The following ZNF587 variants were observed in gnomAD, a reference collection of about 807,000 sequenced individuals.
ZNF587 encodes the protein zinc finger protein zfp6.
Under a neutral mutation model 7.5 loss-of-function variants are expected in ZNF587, and 8 were observed. That is an observed-to-expected ratio of 1.06 (90% CI 0.62 to 1.92). ZNF587 has a LOEUF of 1.92. Ranked by LOEUF, ZNF587 falls within the 40% of genes most tolerant of loss-of-function variation. The pLI is 0.00. For synonymous variants in ZNF587, 145 were observed against 237.8 expected, an observed-to-expected ratio of 0.61 and a Z score of 3.59; for missense variants, 468 against 692.8, an observed-to-expected ratio of 0.68 and a Z score of 3.64.
At position 57,862,820 on chromosome 19, in the gene ZNF587, C is replaced by CTCTCT. The variant is rs1397320875; in HGVS notation, c.*2681_*2682insCTCTT. On this transcript the variant is annotated 3_prime_UTR_variant, in exon 3 of 3. Transcript: ENST00000339656. The stretch of plus-strand genomic sequence containing the variant: ...AACTTCCCTGAGGGCTGCCTAGAAT[C>CTCTCT]TGTTTCCTCTCACTCTGAATTATTC... 1.9e-5 allele frequency: 3 copies of CTCTCT among 155,070 alleles called. No homozygotes were observed. The highest frequency in any genetic ancestry group is 2.9e-5 in the Non-Finnish European group (2 of 68,240). 9.6% of individuals were successfully genotyped at this position (155,070 alleles called of 1,614,324 possible).
intron 1 of ZNF587, 121 bp downstream of exon 1, chr19:57,850,192 G>GTGAGCGC: frequency 6.4e-7 from 1 of 1,570,652 alleles, no homozygotes; most frequent in South Asian, 1.1e-5. Flanking sequence ...ACACTGAGGC[G>GTGAGCGC]CTCACAGGAG....
intron 1 of ZNF587, 179 bp downstream of exon 1, chr19:57,850,250 A>G: frequency 9.4e-7 from 1 of 1,066,754 alleles, no homozygotes; most frequent in Non-Finnish European, 1.4e-6. Flanking sequence ...AGCTGCCTAG[A>G]CAGAGCCGAT....
chr19:57,859,943 A>G lies in ZNF587; in HGVS notation c.1531A>G (p.Lys511Glu), dbSNP rs2071413739. 7 of 1,613,266 alleles carry G rather than the reference A, an allele frequency of 4.3e-6. No homozygotes were observed. The East Asian group carries it at 1.3e-4, about 31-fold the overall frequency. ...FLSSSALHVH[K>E]RVHSGQKPYK... ...TTCCAGCTCTGCGCTTCATGTTCAT[A>G]AAAGAGTTCATTCTGGACAAAAGCC... Residue 511 changes from lysine to glutamate, a missense_variant, in exon 3 of 3, where the codon AAA (lysine) becomes GAA (glutamate). Lys to Glu is a moderately conservative substitution (Grantham distance 56). Transcript: ENST00000339656.
At chr19:57,857,270 C>G (rs2071369452) in intron 2 of ZNF587, 1 of 152,014 alleles carries the variant, frequency 6.6e-6, no homozygotes, top group African/African-American at 2.4e-5. Context: ...TACCAGAAAC[C>G]ATTTACATTT....
intron 2 of ZNF587, chr19:57,858,236 C>G (rs539846170): frequency 3.4e-6 from 1 of 293,286 alleles, no homozygotes; most frequent in Non-Finnish European, 6.4e-6. Flanking sequence ...AAATGATTCT[C>G]CTGCTTTAGC....
rs776618423 is a variant in ZNF587, at chr19:57,859,544, A to G, written c.1132A>G (p.Arg378Gly). 5.0e-6 allele frequency: 8 copies of G among 1,613,692 alleles called. No individual in the cohort carries two copies. The highest frequency in any genetic ancestry group is 3.3e-5 in the Admixed American group (2 of 59,932). Residue 378 changes from arginine (R) to glycine (G), a missense_variant, in exon 3 of 3, where the codon AGG (arginine) becomes GGG (glycine). Transcript: ENST00000339656. Reference protein sequence around the residue: ...INHQRVHTGERPYKCGECGKS... With the variant: ...INHQRVHTGEGPYKCGECGKS... ...CCATCAGCGTGTTCACACTGGAGAA[A>G]GGCCTTACAAGTGTGGAGAATGTGG...
At position 57,860,153 on chromosome 19, in the gene ZNF587, T is replaced by C. The variant is rs777749054; in HGVS notation, c.*13T>C. 3 of 1,614,120 alleles carry C rather than the reference T, an allele frequency of 1.9e-6. No individual in the cohort carries two copies. Among genetic ancestry groups the C allele is most frequent in the East Asian group, 2.2e-5 (1 of 44,890 alleles). ...AAAGGCCTTATGAGTGCAGTGAATA[T>C]GGGAAATCGTTTGCTGAAGCATCCC... On this transcript the variant is annotated 3_prime_UTR_variant, in exon 3 of 3. Coordinates refer to ENST00000339656, the MANE Select transcript of ZNF587 (RefSeq NM_032828.4).
chr19:57,859,508 T>A lies in ZNF587; in HGVS notation c.1096T>A (p.Cys366Ser). ...ECGKSFRQKF[C>S]FINHQRVHTG... ...TGGGAAATCTTTTCGTCAGAAGTTC[T>A]GCTTTATTAACCATCAGCGTGTTCA... The change falls in exon 3 of 3, where the codon TGC becomes AGC. Residue 366 changes from cysteine to serine, a missense_variant. Around this residue, in one of 5 missense-constraint regions of ZNF587, gnomAD observed 310 missense variants for 325.6 expected, o/e 0.95. Transcript: ENST00000339656. The A allele has an allele frequency of 6.2e-7, 1 of 1,612,988 alleles. No individual in the cohort carries two copies. The highest frequency in any genetic ancestry group is 8.5e-7 in the Non-Finnish European group (1 of 1,179,670).
chr19:57,860,867 C>G lies in ZNF587; in HGVS notation c.*727C>G, dbSNP rs1054153361. The G allele has an allele frequency of 1.3e-5, 2 of 152,124 alleles. No individual in the cohort carries two copies. Among genetic ancestry groups the G allele is most frequent in the African/African-American group, 4.8e-5 (2 of 41,424 alleles). 9.4% of individuals were successfully genotyped at this position (152,124 alleles called of 1,614,324 possible). A position where few individuals can be genotyped will look rare whatever the true frequency, so the allele number is the denominator to read the frequency against. On this transcript the variant is annotated 3_prime_UTR_variant, in exon 3 of 3. Transcript: ENST00000339656. ...AGTCACGTGATAGATTAAAGTACAA[C>G]TCTTTTTTGAGACAGAGTCTCACTC...
chr19:57,853,054 T>C (rs540214737), intron 1 of ZNF587, among the ~76,000 whole-genome samples: 1 of 151,998 alleles, frequency 6.6e-6, no homozygotes, highest in African/African-American at 2.4e-5. Context: ...GGTTTCACCA[T>C]GTTGGCCAGG....
In ZNF587 at chr19:57,859,388, T is replaced by A; in HGVS notation, c.976T>A (p.Cys326Ser). 6.2e-7 allele frequency: 1 copy of A among 1,608,094 alleles called. No homozygotes were observed. Among genetic ancestry groups the A allele is most frequent in the Non-Finnish European group, 8.5e-7 (1 of 1,179,656 alleles). ...TCACACTGGAGAAGGGCCTTATGAG[T>A]GTAGAGAATGTGGGAAATCTTTTGG... ...LVHTGEGPYE[C>S]RECGKSFGQK... Residue 326 changes from cysteine to serine, a missense_variant, in exon 3 of 3, where the codon TGT becomes AGT. This residue lies in a region of ZNF587 where 310 missense variants were observed against 325.6 expected (regional missense o/e 0.95). Coordinates refer to ENST00000339656, the MANE Select transcript of ZNF587 (RefSeq NM_032828.4).
chr19:57,855,814 G>T (rs144933962), intron 1 of ZNF587, among the ~76,000 whole-genome samples: 146 of 152,318 alleles, frequency 9.6e-4, no homozygotes, highest in African/African-American at 2.6e-3. Context: ...GCCCGAATCA[G>T]TGTCCCAAAG....
rs35543941 is a variant in ZNF587 at position 57,852,840 on chromosome 19, C to CTTTTTT, written c.33+2794_33+2799dup. The stretch of plus-strand genomic sequence containing the variant: ...AATGCGCCCAGCCGAGACAGCTAGG[C>CTTTTTT]TTTTTTTTTTTTTTTTTTTTTTTTT... On this transcript the variant is annotated intron_variant, in intron 1 of 2. Coordinates refer to ENST00000339656, the MANE Select transcript of ZNF587 (RefSeq NM_032828.4). 1.7e-3 allele frequency among the ~76,000 whole-genome samples: 42 copies of CTTTTTT among 25,284 alleles called. 12 individuals are homozygous for CTTTTTT. The highest frequency in any genetic ancestry group is 5.1e-3 in the African/African-American group (27 of 5,334). 16.6% of individuals were successfully genotyped at this position (25,284 alleles called of 152,430 possible). A position where few individuals can be genotyped will look rare whatever the true frequency, so the allele number is the denominator to read the frequency against.
chr19:57,852,843 T>TG (rs2071299148), intron 1 of ZNF587, among the ~76,000 whole-genome samples: 1 of 105,680 alleles, frequency 9.5e-6, no homozygotes, highest in Non-Finnish European at 2.0e-5. Flanking sequence ...AGCTAGGCTT[T>TG]TTTTTTTTTT....
At chr19:57,854,247 G>C (rs2071321373) in intron 1 of ZNF587, 2 of 152,102 alleles carry the variant, frequency 1.3e-5, no homozygotes, top group African/African-American at 2.4e-5. Flanking sequence ...GGTTGCTACA[G>C]CTGAGGTCTC....
intron 1 of ZNF587, chr19:57,850,416 G>A: frequency 1.8e-6 from 1 of 569,994 alleles, no homozygotes; most frequent in Admixed American, 3.2e-5. Flanking sequence ...GGGAAGTGGG[G>A]AGTGCTGATC....
rs59253366 is a variant in ZNF587 at position 57,861,773 on chromosome 19, C to CTTTTTTTTTTTTTTTTTTTTTTT, written c.*1649_*1650insTTTTTTTTTTTTTTTTTTTTTTT. On this transcript the variant is annotated 3_prime_UTR_variant, in exon 3 of 3. Transcript: ENST00000339656. ...TTTGCTGCAAGGAATATTTGGTTTT[C>CTTTTTTTTTTTTTTTTTTTTTTT]TTTTTTTTTTTTTTTTCCAGATGGA... The CTTTTTTTTTTTTTTTTTTTTTTT allele has an allele frequency of 3.2e-4, 38 of 119,270 alleles. 1 individual carries two copies. The highest frequency in any genetic ancestry group is 7.6e-4 in the East Asian group (3 of 3,934). The allele number at this position is 119,270 out of a possible 1,614,324, so 7.4% of individuals were successfully genotyped here. A position where few individuals can be genotyped will look rare whatever the true frequency, so the allele number is the denominator to read the frequency against.
rs748694731 is a variant in ZNF587 at position 57,860,234 on chromosome 19, A to G, written c.*94A>G. On this transcript the variant is annotated 3_prime_UTR_variant, in exon 3 of 3. Coordinates refer to ENST00000339656, the MANE Select transcript of ZNF587 (RefSeq NM_032828.4). The stretch of plus-strand genomic sequence containing the variant: ...GAGAAAGGCCTTATGAGTGCTGTCA[A>G]TGTGGAAAACATCAGAATGTCTGCT... 5.0e-6 allele frequency: 8 copies of G among 1,601,626 alleles called. No individual in the cohort carries two copies. In the East Asian group the frequency reaches 8.9e-5, roughly 18 times the overall value.
chr19:57,855,887 A>G, intron 1 of ZNF587: 2 of 757,228 alleles, frequency 2.6e-6, no homozygotes, highest in East Asian at 3.0e-5. Context: ...TTTTTATGTC[A>G]GGACCTCAGC....
Sources: allele counts gnomAD v4.1 joint callset (sites outside exome capture counted in the v4.1 genomes callset), GRCh38; gene constraint gnomAD v4.1.1; regional missense constraint gnomAD v4.1.1; transcripts MANE v1.5; gene names NCBI Gene and HGNC (gene_info 2026-07-23, HGNC 2026-07-21).